The following SLC26A7 variants were observed in gnomAD, a reference collection of about 807,000 sequenced individuals.
SLC26A7 encodes solute carrier family 26 member 7.
SLC26A7 carries 59 observed loss-of-function variants against 82.5 expected under a neutral mutation model. The ratio of observed to expected loss-of-function variants is 0.72; its 90% confidence interval spans 0.58 to 0.89. SLC26A7 has a LOEUF of 0.89. SLC26A7 is among the 40% of genes least tolerant of loss of function. SLC26A7 has a pLI of 0.00. For missense variants in SLC26A7, 820 were observed against 793.0 expected (o/e 1.03, Z -0.41); for synonymous variants, 271 against 274.3 (o/e 0.99, Z 0.12).
At chr8:91,259,840 A>G (rs1810913514) in intron 2 of SLC26A7, among the ~76,000 whole-genome samples, 1 of 152,104 alleles carries the variant, frequency 6.6e-6, no homozygotes, top group Non-Finnish European at 1.5e-5. Context: ...ACTCATGTCC[A>G]ATCTCCACCC....
chr8:91,388,944 G>A (rs1169806342), intron 15 of SLC26A7, among the ~76,000 whole-genome samples: 1 of 152,026 alleles, frequency 6.6e-6, no homozygotes, highest in Non-Finnish European at 1.5e-5. Flanking sequence ...ACCTACTAAG[G>A]AAACATTGTG....
intron 4 of SLC26A7, among the ~76,000 whole-genome samples, chr8:91,307,458 A>G (rs760895011): frequency 0.03 from 4,354 of 144,808 alleles, 102 homozygotes; most frequent in Non-Finnish European, 0.049. Flanking sequence ...ACCATGGAAT[A>G]CTATGCAGCC....
intron 11 of SLC26A7, among the ~76,000 whole-genome samples, 161 bp from the exon 12 acceptor site, chr8:91,362,192 C>G (rs572157963): frequency 6.6e-6 from 1 of 152,176 alleles, no homozygotes; most frequent in Non-Finnish European, 1.5e-5. Context: ...GGATTTGTTT[C>G]TGTATTTCTG....
intron 9 of SLC26A7, among the ~76,000 whole-genome samples, chr8:91,350,419 G>T (rs984872893): frequency 6.8e-5 from 10 of 146,602 alleles, no homozygotes; most frequent in Admixed American, 5.5e-4. Context: ...TTCTTTTAAG[G>T]TATACGGTTC....
intron 5 of SLC26A7, among the ~76,000 whole-genome samples, chr8:91,327,916 A>G (rs1425636151): frequency 6.6e-6 from 1 of 152,122 alleles, no homozygotes; most frequent in Non-Finnish European, 1.5e-5. Flanking sequence ...AGATGTATTC[A>G]TCATTACTAG....
Position 91,284,522 on chromosome 8 carries a change from C to T in SLC26A7, c.194-4614C>T, listed in dbSNP as rs552918451. Among the ~76,000 whole-genome samples the T allele has an allele frequency of 2.0e-5, 3 of 152,248 alleles. No homozygotes were observed. The East Asian group carries it at 5.8e-4, about 29-fold the overall frequency. On this transcript the variant is annotated intron_variant, in intron 2 of 18. Coordinates refer to ENST00000276609, the MANE Select transcript of SLC26A7 (RefSeq NM_052832.4). ...CAAATATGATTGGCCTATCTTTATT[C>T]ACATTTGTTTTTAGACATTGAACAG...
chr8:91,376,283 C>A (rs566901570), intron 15 of SLC26A7, among the ~76,000 whole-genome samples: 114 of 152,300 alleles, frequency 7.5e-4, no homozygotes, highest in African/African-American at 2.4e-3. Context: ...TTGGAGGTGT[C>A]AAGACACTCT....
In SLC26A7 at chr8:91,377,495, G is replaced by A. The variant is rs148993640; in HGVS notation, c.1675+7662G>A. ...AGATGTTTGCGGGCAGTCTGGTGGC[G>A]CAGTGACTCAAGGACAGAGAATCTT... On this transcript the variant is annotated intron_variant, in intron 15 of 18. Transcript: ENST00000276609. 2.8e-3 allele frequency among the ~76,000 whole-genome samples: 434 copies of A among 152,304 alleles called. 5 individuals carry two copies. The highest frequency in any genetic ancestry group is 5.6e-3 in the Admixed American group (86 of 15,298).
intron 2 of SLC26A7, among the ~76,000 whole-genome samples, chr8:91,227,659 T>G (rs997853390): frequency 1.3e-5 from 2 of 152,172 alleles, no homozygotes; most frequent in African/African-American, 4.8e-5. Flanking sequence ...TATTTTTCTA[T>G]AATCAAAGCA....
chr8:91,390,416 T>A (rs955600270), intron 16 of SLC26A7, among the ~76,000 whole-genome samples: 1 of 152,154 alleles, frequency 6.6e-6, no homozygotes, highest in Non-Finnish European at 1.5e-5. Context: ...CTTCTTTTTT[T>A]AGTAAATACT....
At chr8:91,388,191 C>G (rs1179146781) in intron 15 of SLC26A7, among the ~76,000 whole-genome samples, 1 of 152,082 alleles carries the variant, frequency 6.6e-6, no homozygotes, top group Non-Finnish European at 1.5e-5. Context: ...AGTGCAGTGG[C>G]ACGATCTCGA....
At chr8:91,383,688 A>C (rs2130897793) in intron 15 of SLC26A7, among the ~76,000 whole-genome samples, 1 of 152,268 alleles carries the variant, frequency 6.6e-6, no homozygotes, top group South Asian at 2.1e-4. Context: ...AGTCTCCAAA[A>C]CACTTCAGTC....
At chr8:91,342,183 G>A (rs1813439277) in intron 8 of SLC26A7, among the ~76,000 whole-genome samples, 1 of 151,968 alleles carries the variant, frequency 6.6e-6, no homozygotes, top group Non-Finnish European at 1.5e-5. Context: ...CCCCGCCTCT[G>A]CCTCCCAAAG....
At position 91,338,175 on chromosome 8, in the gene SLC26A7, A is replaced by G; in HGVS notation, c.821A>G (p.Tyr274Cys). ...VLIIAASFACYCTNMENTYGL... is the reference protein window; with the variant it reads ...VLIIAASFACCCTNMENTYGL... ...ATTATTGCTGCATCATTTGCTTGTT[A>G]TTGCACCAATATGGAAAACACATAT... The change falls in exon 7 of 19, where the codon TAT (tyrosine) becomes TGT (cysteine). Residue 274 changes from tyrosine (Y) to cysteine (C), a missense_variant. Transcript: ENST00000276609. The G allele has an allele frequency of 6.2e-7, 1 of 1,610,932 alleles. No homozygotes were observed. The highest frequency in any genetic ancestry group is 8.5e-7 in the Non-Finnish European group (1 of 1,178,832).
intron 2 of SLC26A7, among the ~76,000 whole-genome samples, chr8:91,274,279 T>C (rs1811347540): frequency 6.6e-6 from 1 of 152,222 alleles, no homozygotes; most frequent in Admixed American, 6.5e-5. Context: ...AAGATTTTTA[T>C]TTGGATTTGT....
chr8:91,259,364 G>T (rs11993280), intron 2 of SLC26A7, among the ~76,000 whole-genome samples: 3,699 of 152,046 alleles, frequency 0.024, 157 homozygotes, highest in African/African-American at 0.08. Flanking sequence ...GTTTTATTCT[G>T]CTCAGCTCTA....
At chr8:91,227,840 T>C (rs767645893) in intron 2 of SLC26A7, among the ~76,000 whole-genome samples, 15 of 152,242 alleles carry the variant, frequency 9.9e-5, no homozygotes, top group African/African-American at 1.4e-4. Context: ...GAAACTCTCG[T>C]TGGTATTTCT....
intron 15 of SLC26A7, among the ~76,000 whole-genome samples, chr8:91,388,905 A>G (rs1042013037): frequency 1.3e-5 from 2 of 151,964 alleles, no homozygotes; most frequent in African/African-American, 4.8e-5. Flanking sequence ...CGCTTCAGGC[A>G]CCACAAAACG....
chr8:91,229,865 A>G (rs890684123), intron 2 of SLC26A7, among the ~76,000 whole-genome samples: 3 of 152,214 alleles, frequency 2.0e-5, no homozygotes, highest in Admixed American at 6.5e-5. Flanking sequence ...TAGTAATGTC[A>G]TAAACATTGC....
Sources: allele counts gnomAD v4.1 joint callset (sites outside exome capture counted in the v4.1 genomes callset), GRCh38; gene constraint gnomAD v4.1.1; transcripts MANE v1.5; gene names NCBI Gene and HGNC (gene_info 2026-07-23, HGNC 2026-07-21).